Variants in RAPGEF4 observed in about 807,000 individuals in gnomAD.
RAPGEF4 encodes the protein RAP guanine-nucleotide-exchange factor (GEF) 4.
In RAPGEF4, 66 loss-of-function variants were observed where a neutral mutation model predicts 147.9. The ratio of observed to expected loss-of-function variants is 0.45; its 90% CI spans 0.37 to 0.55. The LOEUF is 0.55. RAPGEF4 is among the 20% of genes least tolerant of loss of function. The pLI is 0.00. For synonymous variants in RAPGEF4, 419 were observed against 442.7 expected (o/e 0.95, Z 0.67); for missense variants, 1,071 against 1,257.3 (o/e 0.85, Z 2.24).
Position 172,811,311 on chromosome 2 carries a change from T to A in RAPGEF4, c.298-2968T>A, listed in dbSNP as rs190159841. 7.9e-5 allele frequency among the ~76,000 whole-genome samples: 12 copies of A among 152,368 alleles called. No homozygotes were observed. The East Asian group carries it at 2.3e-3, about 29-fold the overall frequency. ...TCCAGCAGCATCTGCTAAACCACCA[T>A]CACATATTGAAGTCGGGTTTTTAAA... On this transcript the variant is annotated intron_variant, in intron 3 of 30. Coordinates refer to ENST00000397081, the MANE Select transcript of RAPGEF4 (RefSeq NM_007023.4).
At chr2:173,007,405 G>A (rs1694590442) in intron 17 of RAPGEF4, among the ~76,000 whole-genome samples, 1 of 152,206 alleles carries the variant, frequency 6.6e-6, no homozygotes, top group Non-Finnish European at 1.5e-5. Flanking sequence ...CACAAACAAA[G>A]GAGCAGCCTG....
At chr2:172,811,492 G>A (rs769062174) in intron 3 of RAPGEF4, among the ~76,000 whole-genome samples, 88 of 152,160 alleles carry the variant, frequency 5.8e-4, no homozygotes, top group Middle Eastern at 3.2e-3. Flanking sequence ...AGATGGCCTC[G>A]CTGAATATTA....
intron 6 of RAPGEF4, among the ~76,000 whole-genome samples, chr2:172,933,033 A>G (rs1391172164): frequency 6.6e-6 from 1 of 152,242 alleles, no homozygotes; most frequent in Non-Finnish European, 1.5e-5. Flanking sequence ...GTTTTAAAAA[A>G]TGAATTATTT....
At chr2:172,943,169 G>A (rs1427217094) in intron 6 of RAPGEF4, among the ~76,000 whole-genome samples, 2 of 152,156 alleles carry the variant, frequency 1.3e-5, no homozygotes, top group African/African-American at 2.4e-5. Context: ...GAAGAAGGGA[G>A]CCACTGAGGC....
chr2:172,828,937 G>A (rs949570878), intron 4 of RAPGEF4, among the ~76,000 whole-genome samples: 8 of 152,210 alleles, frequency 5.3e-5, no homozygotes, highest in African/African-American at 1.4e-4. Context: ...AGGAGATGAC[G>A]ATCCAGATGA....
chr2:172,787,625 T>TTATTTATTTATG (rs1199790539), intron 1 of RAPGEF4, among the ~76,000 whole-genome samples: 1 of 151,600 alleles, frequency 6.6e-6, no homozygotes, highest in Non-Finnish European at 1.5e-5. Flanking sequence ...ATTTATTTAT[T>TTATTTATTTATG]TATTTATTTA....
chr2:173,048,721 T>C (rs2106094172), intron 30 of RAPGEF4, 67 bp downstream of exon 30: 3 of 1,610,874 alleles, frequency 1.9e-6, no homozygotes, highest in East Asian at 2.2e-5. Flanking sequence ...AATGAGGCCA[T>C]TGAGACACCC....
intron 4 of RAPGEF4, among the ~76,000 whole-genome samples, chr2:172,865,576 G>T (rs1694542549): frequency 6.6e-6 from 1 of 152,160 alleles, no homozygotes; most frequent in South Asian, 2.1e-4. Flanking sequence ...CCTGGTGGCA[G>T]TTCGTTTCTT....
chr2:172,887,945 T>C (rs1697433625), intron 4 of RAPGEF4, among the ~76,000 whole-genome samples: 2 of 152,182 alleles, frequency 1.3e-5, no homozygotes. Context: ...TGTCCAGATA[T>C]ATATTAAAGC....
intron 4 of RAPGEF4, among the ~76,000 whole-genome samples, chr2:172,854,724 T>C (rs1026227794): frequency 5.9e-5 from 9 of 152,096 alleles, no homozygotes; most frequent in African/African-American, 1.7e-4. Flanking sequence ...TTTGGTTCCC[T>C]AGGAAGCAGA....
intron 5 of RAPGEF4, among the ~76,000 whole-genome samples, chr2:172,920,597 C>G (rs192835150): frequency 2.6e-5 from 4 of 152,236 alleles, no homozygotes. Context: ...GGTGAAATTC[C>G]AAGACTATTA....
intron 6 of RAPGEF4, among the ~76,000 whole-genome samples, chr2:172,936,900 C>A (rs903352336): frequency 1.3e-5 from 2 of 151,648 alleles, no homozygotes; most frequent in African/African-American, 4.8e-5. Context: ...TTATCACCAA[C>A]TAAAGTCCAT....
intron 16 of RAPGEF4, among the ~76,000 whole-genome samples, 168 bp downstream of exon 16, chr2:172,996,722 A>T (rs2290375): frequency 0.36 from 54,990 of 152,014 alleles, 10,832 homozygotes; most frequent in East Asian, 0.79. Flanking sequence ...AGTCCTTCTG[A>T]CTGTCGTCTT....
chr2:172,940,387 G>A (rs535120446), intron 6 of RAPGEF4, among the ~76,000 whole-genome samples: 2 of 152,196 alleles, frequency 1.3e-5, no homozygotes, highest in Admixed American at 1.3e-4. Context: ...GGAGGTGATT[G>A]GATCATGGGG....
intron 3 of RAPGEF4, among the ~76,000 whole-genome samples, chr2:172,804,812 G>C (rs1173284570): frequency 6.6e-6 from 1 of 152,172 alleles, no homozygotes; most frequent in East Asian, 1.9e-4. Flanking sequence ...ACATTTCAGA[G>C]AAGTATTAAC....
At position 172,961,223 on chromosome 2, in the gene RAPGEF4, A is replaced by C. The variant is rs35955389; in HGVS notation, c.693A>C (p.Thr231=). 11 of 1,583,532 alleles carry C rather than the reference A, an allele frequency of 6.9e-6. No homozygotes were observed. The Admixed American group carries it at 1.7e-4, about 24-fold the overall frequency. The stretch of plus-strand genomic sequence containing the variant: ...GAGATAGAAAATACCACCTAAAGAC[A>C]TACAGGTATGTGTGCTAATTCTAAA... ...MIRDRKYHLK[T]YRQCCVGTEL... The change falls in exon 8 of 31, where the codon ACA becomes ACC. Residue 231 remains threonine (T), a synonymous_variant. Coordinates refer to ENST00000397081, the MANE Select transcript of RAPGEF4 (RefSeq NM_007023.4).
At chr2:172,905,472 A>T (rs1575191490) in intron 4 of RAPGEF4, among the ~76,000 whole-genome samples, 1 of 152,298 alleles carries the variant, frequency 6.6e-6, no homozygotes, top group East Asian at 1.9e-4. Context: ...ATAGGTAATA[A>T]TTCTGCTTTC....
intron 1 of RAPGEF4, among the ~76,000 whole-genome samples, chr2:172,782,094 A>C (rs184888607): frequency 6.6e-6 from 1 of 152,312 alleles, no homozygotes; most frequent in Admixed American, 6.5e-5. Flanking sequence ...GGCAAGATGC[A>C]AGGGGTGTTC....
intron 18 of RAPGEF4, 152 bp downstream of exon 18, chr2:173,014,766 T>A: frequency 1.3e-6 from 1 of 787,744 alleles, no homozygotes; most frequent in Non-Finnish European, 1.9e-6. Context: ...ACAGAAAAAG[T>A]AAGGAAAAAA....
Sources: gnomAD v4.1 joint callset for allele counts (sites outside exome capture counted in the v4.1 genomes callset) on GRCh38, gnomAD v4.1.1 for gene constraint, MANE v1.5 for transcripts, NCBI Gene and HGNC (gene_info 2026-07-23, HGNC 2026-07-21) for gene names.